FAM135B: variants seen among roughly 807,000 people sequenced by gnomAD.
The protein encoded by FAM135B is protein FAM135B.
In FAM135B, 43 loss-of-function variants were observed where a neutral mutation model predicts 127.7. The observed-to-expected ratio is 0.34, with a 90% CI of 0.26 to 0.43. The LOEUF is 0.43. Ranked by LOEUF, FAM135B falls within the 20% of genes least tolerant of loss-of-function variation. The pLI, the probability that FAM135B is intolerant of heterozygous loss-of-function variation, is 1.00. For missense variants in FAM135B, 1,558 were observed against 1,725.6 expected (o/e 0.90, Z 1.72); for synonymous variants, 670 against 665.1 (o/e 1.01, Z -0.11).
intron 1 of FAM135B, among the ~76,000 whole-genome samples, chr8:138,446,464 C>T (rs942375569): frequency 1.3e-5 from 2 of 152,068 alleles, no homozygotes; most frequent in Admixed American, 6.6e-5. Flanking sequence ...GAGATATAGA[C>T]CAATGGAACA....
chr8:138,438,590 A>AT (rs1276178523), intron 1 of FAM135B: 1 of 152,196 alleles, frequency 6.6e-6, no homozygotes, highest in Non-Finnish European at 1.5e-5. Flanking sequence ...ACTGGGTTCA[A>AT]TTTTGAATAC....
At chr8:138,454,840 C>T (rs1188342256) in intron 1 of FAM135B, among the ~76,000 whole-genome samples, 2 of 152,212 alleles carry the variant, frequency 1.3e-5, no homozygotes, top group African/African-American at 4.8e-5. Flanking sequence ...GCCTATGTTG[C>T]CCACAATGCT....
At chr8:138,259,399 T>C (rs987528868) in intron 4 of FAM135B, among the ~76,000 whole-genome samples, 3 of 152,206 alleles carry the variant, frequency 2.0e-5, no homozygotes, top group African/African-American at 7.2e-5. Flanking sequence ...AACCTCTCTG[T>C]TGTTTTCTCA....
chr8:138,273,201 T>C (rs1250817743), intron 3 of FAM135B, among the ~76,000 whole-genome samples: 1 of 152,178 alleles, frequency 6.6e-6, no homozygotes, highest in East Asian at 1.9e-4. Flanking sequence ...GAAAATAATC[T>C]TTTTTTGTTT....
chr8:138,264,335 C>T (rs1281193961), intron 4 of FAM135B, among the ~76,000 whole-genome samples: 4 of 152,180 alleles, frequency 2.6e-5, no homozygotes, highest in Non-Finnish European at 4.4e-5. Flanking sequence ...TCTTGACATT[C>T]TCACTATCTG....
intron 11 of FAM135B, among the ~76,000 whole-genome samples, chr8:138,168,938 C>T (rs1240282298): frequency 2.6e-5 from 4 of 152,128 alleles, no homozygotes; most frequent in African/African-American, 4.8e-5. Context: ...TGGAGCAGCT[C>T]GGCCTCTGGA....
intron 1 of FAM135B, among the ~76,000 whole-genome samples, chr8:138,411,862 G>C (rs1406900724): frequency 1.3e-5 from 2 of 152,180 alleles, no homozygotes; most frequent in Admixed American, 6.5e-5. Context: ...ATGTACATAT[G>C]TGTCATGAAA....
intron 1 of FAM135B, chr8:138,440,919 C>T (rs1015056830): frequency 6.6e-6 from 1 of 152,096 alleles, no homozygotes; most frequent in African/African-American, 2.4e-5. Flanking sequence ...TTCTACTTTG[C>T]TATTTTGGAG....
chr8:138,424,593 C>G (rs988525013), intron 1 of FAM135B, among the ~76,000 whole-genome samples: 7 of 152,318 alleles, frequency 4.6e-5, no homozygotes, highest in African/African-American at 1.4e-4. Context: ...CTTCCCAGTG[C>G]TCTCCCTATT....
At chr8:138,334,000 G>A (rs1404799584) in intron 2 of FAM135B, among the ~76,000 whole-genome samples, 3 of 152,178 alleles carry the variant, frequency 2.0e-5, no homozygotes, top group South Asian at 2.1e-4. Context: ...TTGGATCACT[G>A]CAACATCTGC....
intron 1 of FAM135B, among the ~76,000 whole-genome samples, chr8:138,376,173 C>T (rs572227665): frequency 3.4e-4 from 51 of 152,132 alleles, no homozygotes; most frequent in African/African-American, 1.2e-3. Context: ...GAACTCCTGA[C>T]CCCAAGTGAT....
At chr8:138,175,184 C>G (rs987741158) in intron 11 of FAM135B, among the ~76,000 whole-genome samples, 5 of 152,170 alleles carry the variant, frequency 3.3e-5, no homozygotes, top group Non-Finnish European at 5.9e-5. Flanking sequence ...AAGCATTAAC[C>G]ATAATTACCA....
At chr8:138,383,538 G>C (rs1831997809) in intron 1 of FAM135B, among the ~76,000 whole-genome samples, 1 of 152,166 alleles carries the variant, frequency 6.6e-6, no homozygotes, top group East Asian at 1.9e-4. Flanking sequence ...GGGAGTAATA[G>C]AATAAAGGGA....
chr8:138,283,997 C>T (rs748152786), intron 3 of FAM135B, among the ~76,000 whole-genome samples: 11 of 151,862 alleles, frequency 7.2e-5, no homozygotes, highest in Non-Finnish European at 7.4e-5. Context: ...ACTGAGCATG[C>T]ATATGTGTGT....
intron 1 of FAM135B, among the ~76,000 whole-genome samples, chr8:138,488,409 GA>G (rs1350375268): frequency 4.0e-5 from 6 of 151,242 alleles, no homozygotes; most frequent in Admixed American, 3.9e-4. Context: ...ATAATGATAT[GA>G]TAATGAATTC....
intron 7 of FAM135B, among the ~76,000 whole-genome samples, chr8:138,233,978 T>C (rs1820088400): frequency 2.0e-5 from 3 of 152,124 alleles, no homozygotes; most frequent in South Asian, 4.1e-4. Flanking sequence ...AAAAACAAAA[T>C]GAGATATCAA....
intron 2 of FAM135B, among the ~76,000 whole-genome samples, chr8:138,347,695 C>T (rs1037000981): frequency 3.2e-4 from 49 of 152,186 alleles, no homozygotes; most frequent in African/African-American, 1.0e-3. Flanking sequence ...CTCCAGAGGA[C>T]GGAAAGTCAG....
chr8:138,193,421 C>T lies in FAM135B; in HGVS notation c.873+1837G>A, dbSNP rs533628847. ...CAGGCACAGAAAACAACACGGAGAA[C>T]CTGCAGGCCACACCCAGAAGGAAAG... On this transcript the variant is annotated intron_variant, in intron 9 of 19. Transcript: ENST00000395297. 1.1e-4 allele frequency among the ~76,000 whole-genome samples: 17 copies of T among 152,228 alleles called. No homozygotes were observed. The South Asian group carries it at 3.5e-3, about 32-fold the overall frequency.
At chr8:138,175,448 A>G (rs1814362688) in intron 11 of FAM135B, among the ~76,000 whole-genome samples, 1 of 152,248 alleles carries the variant, frequency 6.6e-6, no homozygotes, top group Non-Finnish European at 1.5e-5. Flanking sequence ...CAAATGTCAC[A>G]TCTTCAAAAA....
Sources: gnomAD v4.1 joint callset for allele counts (sites outside exome capture counted in the v4.1 genomes callset) on GRCh38, gnomAD v4.1.1 for gene constraint, MANE v1.5 for transcripts, NCBI Gene and HGNC (gene_info 2026-07-23, HGNC 2026-07-21) for gene names.